The following STK3 variants were observed in gnomAD, a reference collection of about 807,000 sequenced individuals.
STK3 encodes the protein serine/threonine-protein kinase 3.
A neutral mutation model predicts 58.0 loss-of-function variants in STK3; 41 were observed. The observed-to-expected ratio is 0.71, with a 90% CI of 0.55 to 0.92. The LOEUF is 0.92. STK3 is among the 40% of genes least tolerant of loss of function. STK3 has a pLI of 0.00. For synonymous variants in STK3, 170 were observed against 191.0 expected (o/e 0.89, Z 0.91); for missense variants, 479 against 602.7 (o/e 0.79, Z 2.15).
chr8:98,877,945 TACAA>T (rs879372418), intron 3 of STK3, among the ~76,000 whole-genome samples: 4 of 152,180 alleles, frequency 2.6e-5, no homozygotes, highest in African/African-American at 4.8e-5. Context: ...GGTCTAATTT[TACAA>T]ACAAAGAAAC....
chr8:98,349,334 A>G, the STK3 span, among the ~76,000 whole-genome samples: 3 of 152,352 alleles, frequency 2.0e-5, no homozygotes, highest in East Asian at 5.8e-4. Context: ...GGTAATGCCG[A>G]TGCAAGAGGT....
intron 4 of STK3, chr8:98,720,966 A>G (rs1029517679): frequency 2.4e-6 from 1 of 413,028 alleles, no homozygotes; most frequent in Non-Finnish European, 3.3e-6. Flanking sequence ...AATATCAGAC[A>G]GAGTACCTGC....
At chr8:98,444,072 C>T (rs1818801702) in intron 1 of STK3, among the ~76,000 whole-genome samples, 1 of 152,164 alleles carries the variant, frequency 6.6e-6, no homozygotes, top group African/African-American at 2.4e-5. Context: ...GCTGGTGCTA[C>T]AGAGATGAGG....
At chr8:98,480,710 A>G (rs1821779420) in intron 10 of STK3, among the ~76,000 whole-genome samples, 2 of 152,194 alleles carry the variant, frequency 1.3e-5, no homozygotes, top group Admixed American at 6.5e-5. Flanking sequence ...CTGACAAGAA[A>G]TCCAACCTTG....
intron 1 of STK3, among the ~76,000 whole-genome samples, chr8:98,784,706 A>G (rs546021087): frequency 6.6e-6 from 1 of 152,008 alleles, no homozygotes; most frequent in African/African-American, 2.4e-5. Context: ...GTGTGTGCAT[A>G]GATTGTGGTA....
intron 6 of STK3, among the ~76,000 whole-genome samples, chr8:98,684,741 G>A (rs928701362): frequency 1.3e-5 from 2 of 152,146 alleles, no homozygotes; most frequent in African/African-American, 4.8e-5. Flanking sequence ...AGAAGCATTC[G>A]GACTTTGTTA....
chr8:98,525,202 T>G (rs2131473672), intron 10 of STK3, among the ~76,000 whole-genome samples: 1 of 152,216 alleles, frequency 6.6e-6, no homozygotes, highest in Non-Finnish European at 1.5e-5. Flanking sequence ...TTCTCACGTA[T>G]AAGTAGGAGC....
Position 98,923,828 on chromosome 8 carries a change from CGTGTGTGTGT to C in STK3, c.-79+18540_-79+18549del, listed in dbSNP as rs55929161. Among the ~76,000 whole-genome samples, 13 of 144,382 alleles carry C rather than the reference CGTGTGTGTGT, an allele frequency of 9.0e-5. No homozygotes were observed. In the East Asian group the frequency reaches 1.3e-3, roughly 14 times the overall value. 94.7% of individuals were successfully genotyped at this position (144,382 alleles called of 152,430 possible). On this transcript the variant is annotated intron_variant, in intron 1 of 1. Coordinates refer to the STK3 transcript ENST00000519420. ...TATGCAGGTTACAGTTTTGCAAAAA[CGTGTGTGTGT>C]GTGTGTGTGTGTGTGTGCGCGCGCG...
chr8:98,562,598 G>A (rs553870897), intron 8 of STK3, among the ~76,000 whole-genome samples: 25 of 151,692 alleles, frequency 1.6e-4, no homozygotes, highest in Non-Finnish European at 3.2e-4. Flanking sequence ...CATGTGTATC[G>A]TTTTGATGCC....
chr8:98,733,344 G>A (rs1173875561), intron 4 of STK3, among the ~76,000 whole-genome samples: 1 of 152,234 alleles, frequency 6.6e-6, no homozygotes, highest in East Asian at 1.9e-4. Flanking sequence ...CATAGCAGCA[G>A]GTGAGTGGCG....
chr8:98,807,218 A>G (rs1258897235), intron 1 of STK3, among the ~76,000 whole-genome samples: 2 of 151,234 alleles, frequency 1.3e-5, no homozygotes, highest in African/African-American at 4.9e-5. Flanking sequence ...AATGCCTTTA[A>G]GGAGACAGTA....
At chr8:98,541,496 T>C (rs1202262583) in intron 9 of STK3, among the ~76,000 whole-genome samples, 2 of 152,176 alleles carry the variant, frequency 1.3e-5, no homozygotes, top group Admixed American at 6.5e-5. Flanking sequence ...CATAAGCAAA[T>C]TATACCCCTT....
At chr8:98,422,278 A>G (rs1031122390) in intron 3 of STK3, among the ~76,000 whole-genome samples, 1 of 151,944 alleles carries the variant, frequency 6.6e-6, no homozygotes, top group African/African-American at 2.4e-5. Context: ...AAACTTCTAA[A>G]ATCCTTTGTT....
chr8:98,532,545 G>A (rs958110599), intron 9 of STK3, among the ~76,000 whole-genome samples: 1 of 152,124 alleles, frequency 6.6e-6, no homozygotes, highest in Non-Finnish European at 1.5e-5. Context: ...AATACAAAGT[G>A]AGCACATAAC....
chr8:98,492,688 T>C (rs1049958902), intron 10 of STK3, among the ~76,000 whole-genome samples: 4 of 152,100 alleles, frequency 2.6e-5, no homozygotes, highest in African/African-American at 9.7e-5. Context: ...TTGCTAGATA[T>C]TTGGCAAGAG....
intron 1 of STK3, among the ~76,000 whole-genome samples, chr8:98,440,431 C>T (rs1163865579): frequency 6.6e-6 from 1 of 152,148 alleles, no homozygotes; most frequent in East Asian, 1.9e-4. Flanking sequence ...ATTGTGCAAC[C>T]ATCACCACCA....
intron 10 of STK3, among the ~76,000 whole-genome samples, chr8:98,491,488 T>C (rs1822696555): frequency 6.6e-6 from 1 of 152,076 alleles, no homozygotes; most frequent in South Asian, 2.1e-4. Context: ...TAGCCCAAGT[T>C]AGAGTGCAGT....
intron 1 of STK3, among the ~76,000 whole-genome samples, chr8:98,914,524 A>G (rs1839272816): frequency 6.6e-6 from 1 of 152,248 alleles, no homozygotes; most frequent in Middle Eastern, 3.4e-3. Context: ...CTCTTAAAAT[A>G]CGGGGCTTGA....
At chr8:98,907,927 TAG>T (rs1414462406) in intron 1 of STK3, among the ~76,000 whole-genome samples, 2 of 152,352 alleles carry the variant, frequency 1.3e-5, no homozygotes, top group Admixed American at 1.3e-4. Flanking sequence ...ATCCGCCCTT[TAG>T]AGTTTCCCAT....
Sources: allele counts gnomAD v4.1 joint callset (sites outside exome capture counted in the v4.1 genomes callset), GRCh38; gene constraint gnomAD v4.1.1; transcripts MANE v1.5; gene names NCBI Gene and HGNC (gene_info 2026-07-23, HGNC 2026-07-21).